INSL6: variants seen among roughly 807,000 people sequenced by gnomAD.
The protein encoded by INSL6 is insulin-like peptide INSL6.
In INSL6, 16 loss-of-function variants were observed where a neutral mutation model predicts 9.4. That is an observed-to-expected ratio of 1.70 (90% CI 1.15 to 2.59). The LOEUF (loss-of-function observed/expected upper bound fraction) is 2.59. INSL6 is among the 30% of genes most tolerant of loss of function. The pLI, the probability that INSL6 is intolerant of heterozygous loss-of-function variation, is 0.00. For missense variants in INSL6, 391 were observed against 257.3 expected (o/e 1.52, Z -3.56); for synonymous variants, 154 against 96.9 (o/e 1.59, Z -3.46).
At chr9:5,101,511 C>A in the INSL6 span, among the ~76,000 whole-genome samples, 291 of 152,378 alleles carry the variant, frequency 1.9e-3, no homozygotes, top group Non-Finnish European at 1.6e-3. Context: ...TGTCTGACAG[C>A]TCTGAAGAGA....
At chr9:4,998,362 T>G in the INSL6 span, among the ~76,000 whole-genome samples, 1 of 152,100 alleles carries the variant, frequency 6.6e-6, no homozygotes, top group Non-Finnish European at 1.5e-5. Context: ...ATTCAAGCAA[T>G]TCTCCTACCT....
chr9:5,046,268 G>T, the INSL6 span, among the ~76,000 whole-genome samples: 1 of 152,022 alleles, frequency 6.6e-6, no homozygotes, highest in Non-Finnish European at 1.5e-5. Context: ...CAGGTTGTTT[G>T]TTTGTTGTTA....
intron 2 of INSL6, among the ~76,000 whole-genome samples, chr9:5,136,913 T>C (rs1282837841): frequency 2.6e-5 from 4 of 152,222 alleles, no homozygotes; most frequent in Admixed American, 2.0e-4. Flanking sequence ...GATAAGCAAC[T>C]TGAGCGAAGT....
At chr9:5,144,461 T>G (rs1824559537) in intron 2 of INSL6, among the ~76,000 whole-genome samples, 1 of 152,198 alleles carries the variant, frequency 6.6e-6, no homozygotes, top group African/African-American at 2.4e-5. Flanking sequence ...GGTGATGAGA[T>G]GAATGTATAT....
chr9:5,092,835 C>A, the INSL6 span, among the ~76,000 whole-genome samples: 1 of 152,022 alleles, frequency 6.6e-6, no homozygotes, highest in East Asian at 1.9e-4. Flanking sequence ...CTTAGTTCAG[C>A]TTTAAACTTA....
chr9:5,022,055 G>C, the INSL6 span: 1 of 1,614,058 alleles, frequency 6.2e-7, no homozygotes, highest in East Asian at 2.2e-5. Context: ...TATCAGAATG[G>C]TGATATTTCT....
the INSL6 span, among the ~76,000 whole-genome samples, chr9:5,063,994 A>G: frequency 3.1e-3 from 478 of 152,080 alleles, 2 homozygotes; most frequent in African/African-American, 0.011. Context: ...TGTCTCTACT[A>G]AAAATACAAA....
At chr9:5,012,006 A>G in the INSL6 span, among the ~76,000 whole-genome samples, 9 of 152,174 alleles carry the variant, frequency 5.9e-5, no homozygotes, top group Admixed American at 5.9e-4. Context: ...CAGTTCTTTC[A>G]GATTTCTAGC....
At chr9:5,112,166 C>G in the INSL6 span, 1,438 of 276,016 alleles carry the variant, frequency 5.2e-3, 22 homozygotes, top group African/African-American at 0.029. Context: ...ACGCTGCTAC[C>G]CGGCCACCGG....
At chr9:5,036,951 G>T in the INSL6 span, among the ~76,000 whole-genome samples, 4 of 152,182 alleles carry the variant, frequency 2.6e-5, no homozygotes, top group East Asian at 1.9e-4. Flanking sequence ...GAACATTTTT[G>T]TAATCTACTC....
the INSL6 span, among the ~76,000 whole-genome samples, chr9:5,059,059 T>G: frequency 6.6e-6 from 1 of 152,334 alleles, no homozygotes; most frequent in African/African-American, 2.4e-5. Flanking sequence ...GTTGCCTATT[T>G]TTCTTTTTAC....
At chr9:5,158,428 A>T (rs758402475) in intron 2 of INSL6, among the ~76,000 whole-genome samples, 37 of 152,178 alleles carry the variant, frequency 2.4e-4, no homozygotes, top group Non-Finnish European at 4.3e-4. Flanking sequence ...GGTAATTAAT[A>T]ATCAAACTCC....
the INSL6 span, chr9:5,112,842 A>T: frequency 3.6e-6 from 2 of 551,610 alleles, no homozygotes; most frequent in Non-Finnish European, 5.8e-6. Flanking sequence ...CCCGCTGGGC[A>T]CGTGTGAAAG....
intron 3 of INSL6, chr9:5,126,349 T>C: frequency 1.2e-6 from 2 of 1,606,122 alleles, no homozygotes; most frequent in Non-Finnish European, 1.7e-6. Context: ...ATGCGTATGA[T>C]TGGCAATGAC....
chr9:5,072,369 A>G, the INSL6 span: 3 of 621,744 alleles, frequency 4.8e-6, no homozygotes, highest in Non-Finnish European at 7.8e-6. Flanking sequence ...ATCTGGATTT[A>G]GATTCTAAGG....
chr9:5,112,443 G>A, the INSL6 span: 1 of 529,552 alleles, frequency 1.9e-6, no homozygotes, highest in South Asian at 2.4e-5. Context: ...CTCAAGAGGA[G>A]AAGAAGGAGC....
chr9:5,138,052 G>C (rs922554652), intron 2 of INSL6, among the ~76,000 whole-genome samples: 2 of 152,228 alleles, frequency 1.3e-5, no homozygotes, highest in East Asian at 1.9e-4. Context: ...ATGCCAGTTA[G>C]AATGGTGATC....
At chr9:5,112,463 C>T in the INSL6 span, 557 of 543,880 alleles carry the variant, frequency 1.0e-3, 2 homozygotes, top group Non-Finnish European at 1.6e-3. Context: ...CTGAAGGACC[C>T]CCGGGACCGG....
the INSL6 span, among the ~76,000 whole-genome samples, chr9:5,087,016 C>CT: frequency 6.6e-6 from 1 of 152,070 alleles, no homozygotes; most frequent in Non-Finnish European, 1.5e-5. Flanking sequence ...ATTGTGCTTC[C>CT]ATCCCTCAAA....
Sources: allele counts gnomAD v4.1 joint callset (sites outside exome capture counted in the v4.1 genomes callset), GRCh38; gene constraint gnomAD v4.1.1; transcripts MANE v1.5; gene names NCBI Gene and HGNC (gene_info 2026-07-23, HGNC 2026-07-21).